Variants in WNK1 observed in about 807,000 individuals in gnomAD.
WNK1 encodes WNK lysine deficient protein kinase 1, also known as serine/threonine-protein kinase WNK1.
WNK1 carries 38 observed loss-of-function variants against 222.8 expected under a neutral mutation model. The observed-to-expected ratio is 0.17, with a 90% CI of 0.13 to 0.22. The LOEUF (loss-of-function observed/expected upper bound fraction) is 0.22, where lower values mean the gene tolerates loss of function less well. Among genes scored for constraint, WNK1 ranks in the 10% least tolerant of loss-of-function variants. WNK1 has a pLI of 1.00. For missense variants in WNK1, 2,348 were observed against 2,918.4 expected, an observed-to-expected ratio of 0.80 and a Z score of 4.50; for synonymous variants, 1,090 against 1,092.9, an observed-to-expected ratio of 1.00 and a Z score of 0.05.
At chr12:907,773 C>A in intron 26 of WNK1, 74 bp from the exon 27 acceptor site, 1 of 1,544,122 alleles carries the variant, frequency 6.5e-7, no homozygotes, top group Non-Finnish European at 8.9e-7. Flanking sequence ...ATTCATCATC[C>A]CGTGAAGTTT....
At chr12:880,538 G>A (rs956059637) in intron 11 of WNK1, among the ~76,000 whole-genome samples, 183 bp from the exon 12 acceptor site, 1 of 151,988 alleles carries the variant, frequency 6.6e-6, no homozygotes, top group Admixed American at 6.5e-5. Flanking sequence ...TCTTCTGTTG[G>A]AACCAGTCTA....
intron 8 of WNK1, chr12:868,403 AC>A (rs1565548901): frequency 6.2e-7 from 1 of 1,613,944 alleles, no homozygotes; most frequent in Admixed American, 1.7e-5. Context: ...AGGGGGCCCT[AC>A]TTCAAGTTCT....
chr12:765,039 T>G (rs1941513375), intron 1 of WNK1, among the ~76,000 whole-genome samples: 1 of 148,072 alleles, frequency 6.8e-6, no homozygotes, highest in African/African-American at 2.4e-5. Flanking sequence ...TTTGCCATGT[T>G]GGCCAGGCTG....
intron 1 of WNK1, among the ~76,000 whole-genome samples, chr12:799,805 CT>C (rs1295525686): frequency 6.6e-6 from 1 of 152,176 alleles, no homozygotes; most frequent in Admixed American, 6.5e-5. Flanking sequence ...CTGCTTTAGC[CT>C]CCCAAGTAGC....
At chr12:773,008 C>T (rs562990904) in intron 1 of WNK1, among the ~76,000 whole-genome samples, 46 of 152,212 alleles carry the variant, frequency 3.0e-4, no homozygotes, top group African/African-American at 1.1e-3. Flanking sequence ...ACCTGTAATC[C>T]AGCACTTTGG....
intron 1 of WNK1, among the ~76,000 whole-genome samples, chr12:792,186 T>C (rs1290950112): frequency 6.6e-6 from 1 of 152,120 alleles, no homozygotes; most frequent in Non-Finnish European, 1.5e-5. Flanking sequence ...AGGGAAATAA[T>C]GTATACTGTG....
intron 1 of WNK1, among the ~76,000 whole-genome samples, chr12:771,526 CT>C (rs1240545871): frequency 6.6e-6 from 1 of 152,080 alleles, no homozygotes; most frequent in African/African-American, 2.4e-5. Context: ...ATTCTGCCCC[CT>C]GGGTTCAAGC....
intron 4 of WNK1, among the ~76,000 whole-genome samples, chr12:843,624 G>A (rs1261017287): frequency 6.6e-6 from 1 of 152,210 alleles, no homozygotes; most frequent in Non-Finnish European, 1.5e-5. Context: ...ATGCAGATAT[G>A]TAGTTGCAAA....
intron 26 of WNK1, among the ~76,000 whole-genome samples, chr12:902,872 A>T (rs1443100892): frequency 6.6e-6 from 1 of 152,246 alleles, no homozygotes; most frequent in Non-Finnish European, 1.5e-5. Context: ...ACAAAAACAT[A>T]GTTCAAGTAG....
chr12:882,687 A>G (rs1036541394), intron 14 of WNK1, among the ~76,000 whole-genome samples: 1 of 152,238 alleles, frequency 6.6e-6, no homozygotes, highest in African/African-American at 2.4e-5. Flanking sequence ...CTTACATTCC[A>G]TATTTCTATG....
At chr12:816,350 G>A (rs1439398628) in intron 2 of WNK1, among the ~76,000 whole-genome samples, 1 of 152,036 alleles carries the variant, frequency 6.6e-6, no homozygotes, top group African/African-American at 2.4e-5. Flanking sequence ...GCTCACTGCA[G>A]CCTCAAACTC....
At chr12:890,167 G>T (rs941745436) in intron 21 of WNK1, among the ~76,000 whole-genome samples, 1 of 151,648 alleles carries the variant, frequency 6.6e-6, no homozygotes, top group Non-Finnish European at 1.5e-5. Flanking sequence ...TGGCCAGGCC[G>T]GTCTCGAACT....
intron 8 of WNK1, among the ~76,000 whole-genome samples, chr12:865,774 C>T (rs972053749): frequency 6.6e-6 from 1 of 151,660 alleles, no homozygotes; most frequent in Non-Finnish European, 1.5e-5. Context: ...TCTAAGGAGA[C>T]ACTAATAAAA....
At chr12:759,845 C>T (rs1186842385) in intron 1 of WNK1, among the ~76,000 whole-genome samples, 2 of 147,788 alleles carry the variant, frequency 1.4e-5, no homozygotes, top group Non-Finnish European at 3.0e-5. Flanking sequence ...AAAGAGTACC[C>T]ATTTTATAGA....
intron 12 of WNK1, 36 bp from the exon 13 acceptor site, chr12:881,656 T>G: frequency 6.6e-7 from 1 of 1,511,196 alleles, no homozygotes; most frequent in African/African-American, 1.4e-5. Flanking sequence ...ATAAATCTAT[T>G]ACTACCGAGA....
chr12:829,450 T>C (rs1948626670), intron 3 of WNK1, among the ~76,000 whole-genome samples: 1 of 152,170 alleles, frequency 6.6e-6, no homozygotes, highest in South Asian at 2.1e-4. Flanking sequence ...AAAAATGTAT[T>C]GAATATCGGG....
Position 885,480 on chromosome 12 carries a change from G to A in WNK1, c.4676G>A (p.Ser1559Asn), listed in dbSNP as rs1327224750. The A allele has an allele frequency of 3.1e-6, 5 of 1,613,874 alleles. No homozygotes were observed. Among genetic ancestry groups the A allele is most frequent in the African/African-American group, 1.3e-5 (1 of 74,904 alleles). ...TCCTCTCCTGGAGCAGGAGTGTCTA[G>A]TTATATTTCTCAGCCTGGTGGGCTG... ...SSSSPGAGVS[S>N]YISQPGGLHP... Residue 1559 changes from serine to asparagine, a missense_variant, in exon 19 of 28, where the codon AGT becomes AAT. Ser to Asn is a conservative substitution (Grantham distance 46, BLOSUM62 1). Transcript: ENST00000315939.
intron 8 of WNK1, among the ~76,000 whole-genome samples, chr12:866,363 CTTAT>C (rs764374339): frequency 6.6e-6 from 1 of 152,088 alleles, no homozygotes; most frequent in Non-Finnish European, 1.5e-5. Flanking sequence ...CTATTATTTA[CTTAT>C]TTATTTATGT....
Position 900,584 on chromosome 12 carries a change from A to G in WNK1, c.6557A>G (p.Lys2186Arg). The G allele has an allele frequency of 1.2e-6, 2 of 1,614,196 alleles. No homozygotes were observed. The highest frequency in any genetic ancestry group is 1.3e-5 in the African/African-American group (1 of 75,044). Residue 2186 changes from lysine to arginine, a missense_variant, in exon 26 of 28, where the codon AAG becomes AGG. Lys to Arg is a conservative substitution (Grantham distance 26). Coordinates refer to ENST00000315939, the MANE Select transcript of WNK1 (RefSeq NM_018979.4). The part of the protein sequence containing the change: ...SGQNQLLQPL[K>R]PSPSSDNLYS... ...CAGAATCAGCTGTTACAGCCCCTTA[A>G]GCCATCTCCCTCCAGTGACAACCTC...
Sources: allele counts gnomAD v4.1 joint callset (sites outside exome capture counted in the v4.1 genomes callset), GRCh38; gene constraint gnomAD v4.1.1; transcripts MANE v1.5; gene names NCBI Gene and HGNC (gene_info 2026-07-23, HGNC 2026-07-21).